JAKMIP1: variants seen among roughly 807,000 people sequenced by gnomAD.
The protein encoded by JAKMIP1 is janus kinase and microtubule interacting protein 1.
Under a neutral mutation model 113.0 loss-of-function variants are expected in JAKMIP1, and 33 were observed. The observed-to-expected ratio is 0.29, with a 90% CI of 0.22 to 0.39. The LOEUF (loss-of-function observed/expected upper bound fraction) is 0.39, where lower values mean the gene tolerates loss of function less well. Among genes scored for constraint, JAKMIP1 ranks in the 10% least tolerant of loss-of-function variants. JAKMIP1 has a pLI of 1.00. For missense variants in JAKMIP1, 813 were observed against 1,080.5 expected (o/e 0.75, Z 3.47); for synonymous variants, 480 against 459.9 (o/e 1.04, Z -0.56).
At chr4:6,054,288 G>A (rs1485918942) in intron 12 of JAKMIP1, 140 bp from the exon 13 acceptor site, 2 of 761,800 alleles carry the variant, frequency 2.6e-6, no homozygotes, top group Non-Finnish European at 2.2e-6. Context: ...AGGGTTTGCA[G>A]CAAGCAAACG....
Position 6,180,596 on chromosome 4 carries a change from T to C in JAKMIP1, c.-148+19657A>G, listed in dbSNP as rs1418003122. On this transcript the variant is annotated intron_variant, in intron 1 of 20. Transcript: ENST00000409021. The surrounding 1 kb of genome is among the most constrained non-coding windows in gnomAD (Gnocchi z 4.5). ...ATAGCTCTCACTGTGTAGCAGGAACTGTTTCAAACTGTCCAAATTACCTAG... is the reference window on the plus strand; with the variant it reads ...ATAGCTCTCACTGTGTAGCAGGAACCGTTTCAAACTGTCCAAATTACCTAG... 6.6e-6 allele frequency among the ~76,000 whole-genome samples: 1 copy of C among 152,226 alleles called. No homozygotes were observed. The highest frequency in any genetic ancestry group is 1.5e-5 in the Non-Finnish European group (1 of 68,038).
At chr4:6,032,626 C>A (rs770119911) in intron 19 of JAKMIP1, among the ~76,000 whole-genome samples, 1 of 152,118 alleles carries the variant, frequency 6.6e-6, no homozygotes. Context: ...GCACCTAGAA[C>A]AGTGCTTGGT....
At chr4:6,125,053 G>C (rs567108877) in intron 1 of JAKMIP1, among the ~76,000 whole-genome samples, 3 of 152,156 alleles carry the variant, frequency 2.0e-5, no homozygotes, top group Non-Finnish European at 2.9e-5. Context: ...CCCACCAGTG[G>C]TCAGCCAGGC....
intron 12 of JAKMIP1, chr4:6,054,675 G>C: frequency 2.2e-6 from 1 of 454,310 alleles, no homozygotes; most frequent in Non-Finnish European, 4.4e-6. Flanking sequence ...ATCAGTGTGG[G>C]AAGTGACACC....
chr4:6,075,414 A>G (rs1256339363), intron 8 of JAKMIP1, among the ~76,000 whole-genome samples: 1 of 152,232 alleles, frequency 6.6e-6, no homozygotes, highest in Non-Finnish European at 1.5e-5. Context: ...CCAAGTATCA[A>G]TTCAATCCAG....
chr4:6,171,344 C>A (rs940091248), intron 1 of JAKMIP1, among the ~76,000 whole-genome samples: 2 of 151,418 alleles, frequency 1.3e-5, no homozygotes, highest in African/African-American at 4.9e-5. Context: ...AGCCCCAGCA[C>A]CCTCCTCACC....
chr4:6,047,519 C>A (rs1715151265), intron 16 of JAKMIP1, among the ~76,000 whole-genome samples: 1 of 152,186 alleles, frequency 6.6e-6, no homozygotes, highest in Non-Finnish European at 1.5e-5. Flanking sequence ...CCGCGGTTCA[C>A]CAGAAGACAC....
At chr4:6,175,064 C>T (rs1725175738) in intron 1 of JAKMIP1, among the ~76,000 whole-genome samples, 1 of 152,180 alleles carries the variant, frequency 6.6e-6, no homozygotes, top group Non-Finnish European at 1.5e-5. Flanking sequence ...TTAGCCTGGA[C>T]AAGGCCCTTC....
intron 1 of JAKMIP1, among the ~76,000 whole-genome samples, chr4:6,170,313 TCTCC>T (rs1724306171): frequency 1.2e-5 from 1 of 83,266 alleles, no homozygotes; most frequent in African/African-American, 5.2e-5. Context: ...ATCATAACCC[TCTCC>T]ACCATCACCA....
rs1291357762 is a variant in JAKMIP1 at position 6,168,812 on chromosome 4, A to T, written c.-148+31441T>A. 6.6e-6 allele frequency among the ~76,000 whole-genome samples: 1 copy of T among 152,086 alleles called. No individual in the cohort carries two copies. The highest frequency in any genetic ancestry group is 6.6e-5 in the Admixed American group (1 of 15,260). ...CTACTTGGGAGGCTGATGTGGGAGA[A>T]TCACTTGAGCCTGGGGAGGCTGAGG... On this transcript the variant is annotated intron_variant, in intron 1 of 20. Coordinates refer to ENST00000409021, the MANE Select transcript of JAKMIP1 (RefSeq NM_001099433.2). The surrounding 1 kb of genome is among the most constrained non-coding windows in gnomAD (Gnocchi z 4.6).
intron 4 of JAKMIP1, among the ~76,000 whole-genome samples, chr4:6,085,212 C>T (rs544293264): frequency 4.6e-5 from 7 of 152,196 alleles, no homozygotes; most frequent in Non-Finnish European, 7.4e-5. Context: ...CAGGCCCCTC[C>T]CACCCCGTAT....
rs1007029786 is a variant in JAKMIP1, at chr4:6,081,791, T to A, written c.955-36A>T. The A allele has an allele frequency of 6.2e-7, 1 of 1,613,162 alleles. No homozygotes were observed. The highest frequency in any genetic ancestry group is 8.5e-7 in the Non-Finnish European group (1 of 1,179,564). On this transcript the variant is annotated intron_variant, in intron 5 of 20. Coordinates refer to ENST00000409021, the MANE Select transcript of JAKMIP1 (RefSeq NM_001099433.2). The surrounding 1 kb of genome is among the most constrained non-coding windows in gnomAD (Gnocchi z 4.6). ...AAACAGACACAGAGGCTCAGACAACTTGACGACGGACGGCCGAGGTCACAG... is the reference window on the plus strand; with the variant it reads ...AAACAGACACAGAGGCTCAGACAACATGACGACGGACGGCCGAGGTCACAG...
intron 7 of JAKMIP1, among the ~76,000 whole-genome samples, chr4:6,079,928 G>A (rs1009170713): frequency 1.3e-5 from 2 of 152,224 alleles, no homozygotes; most frequent in Admixed American, 6.5e-5. Context: ...GAAGATGTGA[G>A]AAAAGGGTAG....
At position 6,050,586 on chromosome 4, in the gene JAKMIP1, C is replaced by G; in HGVS notation, c.1900G>C (p.Gly634Arg). 1 of 1,568,994 alleles carries G rather than the reference C, an allele frequency of 6.4e-7. No homozygotes were observed. Among genetic ancestry groups the G allele is most frequent in the Non-Finnish European group, 8.6e-7 (1 of 1,156,540 alleles). Residue 634 changes from glycine (G) to arginine (R), a missense_variant, in exon 14 of 21, where the codon GGA (glycine) becomes CGA (arginine). Gly to Arg is a moderately radical substitution (Grantham distance 125). Coordinates refer to ENST00000409021, the MANE Select transcript of JAKMIP1 (RefSeq NM_001099433.2). This position sits in a 1 kb window ranked among gnomAD's most constrained non-coding sequence, Gnocchi z 7.4. Reference protein sequence around the residue: ...SALQLFCHQEGVKDVNVSELM... With the variant: ...SALQLFCHQERVKDVNVSELM... ...CCCCCCAGGCACGCTACCTTAACTCCTTCCTGGTGACAGAACAGCTGGAGA... is the reference window on the plus strand; with the variant it reads ...CCCCCCAGGCACGCTACCTTAACTCGTTCCTGGTGACAGAACAGCTGGAGA...
intron 19 of JAKMIP1, among the ~76,000 whole-genome samples, chr4:6,034,452 G>A (rs1318015864): frequency 6.6e-6 from 1 of 152,140 alleles, no homozygotes; most frequent in African/African-American, 2.4e-5. Flanking sequence ...TGATGGTGAT[G>A]ATGATTGATT....
rs1725380409 is a variant in JAKMIP1 at position 6,176,705 on chromosome 4, G to C, written c.-148+23548C>G. ...AAAAGGACCCAGGATTTGCCAGCCT[G>C]TGTGGCCAGCAAGAAATTGGAGCCT... On this transcript the variant is annotated intron_variant, in intron 1 of 20. Coordinates refer to ENST00000409021, the MANE Select transcript of JAKMIP1 (RefSeq NM_001099433.2). The surrounding 1 kb of genome is among the most constrained non-coding windows in gnomAD (Gnocchi z 5.5). Among the ~76,000 whole-genome samples, 1 of 152,164 alleles carries C rather than the reference G, an allele frequency of 6.6e-6. No homozygotes were observed. Among genetic ancestry groups the C allele is most frequent in the Non-Finnish European group, 1.5e-5 (1 of 68,020 alleles).
At chr4:6,104,424 T>C (rs1329287272) in intron 3 of JAKMIP1, among the ~76,000 whole-genome samples, 2 of 152,236 alleles carry the variant, frequency 1.3e-5, no homozygotes, top group Non-Finnish European at 2.9e-5. Flanking sequence ...TTAAGAACTG[T>C]CCTTTTGTGT....
rs142104342 is a variant in JAKMIP1 at position 6,085,459 on chromosome 4, C to T, written c.795G>A (p.Pro265=). 77 of 1,613,958 alleles carry T rather than the reference C, an allele frequency of 4.8e-5. No homozygotes were observed. The highest frequency in any genetic ancestry group is 1.5e-4 in the African/African-American group (11 of 75,052). The change falls in exon 4 of 21, where the codon CCG becomes CCA. Residue 265 remains proline (P), a synonymous_variant. Coordinates refer to ENST00000409021, the MANE Select transcript of JAKMIP1 (RefSeq NM_001099433.2). ...RHHSSPKREL[P]PGIGDMVELM... Reference sequence around the variant, plus strand: ...GCTCCACCATGTCCCCGATCCCGGGCGGGAGCTCTCTCTTTGGACTACTGT... The same window carrying T: ...GCTCCACCATGTCCCCGATCCCGGGTGGGAGCTCTCTCTTTGGACTACTGT...
At chr4:6,045,901 T>G (rs187957646) in intron 16 of JAKMIP1, among the ~76,000 whole-genome samples, 1 of 152,082 alleles carries the variant, frequency 6.6e-6, no homozygotes, top group Admixed American at 6.5e-5. Context: ...TAAGGGAACA[T>G]TGACATTGAC....
Sources: allele counts gnomAD v4.1 joint callset (sites outside exome capture counted in the v4.1 genomes callset), GRCh38; gene constraint gnomAD v4.1.1; non-coding constraint Gnocchi (gnomAD v3.1); transcripts MANE v1.5; gene names NCBI Gene and HGNC (gene_info 2026-07-23, HGNC 2026-07-21).